Variants in PLEKHB2 observed in about 807,000 individuals in gnomAD.
PLEKHB2 encodes the protein pleckstrin homology domain containing B2, also known as pleckstrin homology domain-containing family B member 2.
Under a neutral mutation model 36.5 loss-of-function variants are expected in PLEKHB2, and 31 were observed. The ratio of observed to expected loss-of-function variants is 0.85; its 90% confidence interval spans 0.64 to 1.15. The LOEUF is 1.15. Ranked by LOEUF, PLEKHB2 falls within the 50% of genes most tolerant of loss-of-function variation. The pLI, the probability that PLEKHB2 is intolerant of heterozygous loss-of-function variation, is 0.00. For missense variants in PLEKHB2, 262 were observed against 295.3 expected (o/e 0.89, Z 0.83); for synonymous variants, 119 against 112.0 (o/e 1.06, Z -0.39).
chr2:131,142,354 T>C (rs1698875420), intron 7 of PLEKHB2, among the ~76,000 whole-genome samples: 1 of 152,216 alleles, frequency 6.6e-6, no homozygotes, highest in Non-Finnish European at 1.5e-5. Flanking sequence ...TCTAGTCTTG[T>C]TTTTAAATTA....
chr2:131,128,808 AG>A (rs1349657092), intron 4 of PLEKHB2, among the ~76,000 whole-genome samples: 2 of 152,336 alleles, frequency 1.3e-5, no homozygotes, highest in African/African-American at 4.8e-5. Flanking sequence ...ACAACCCAAA[AG>A]AGAGAATTAC....
chr2:131,121,567 T>C lies in PLEKHB2; in HGVS notation c.37+589T>C, dbSNP rs28671721. 2.1e-3 allele frequency among the ~76,000 whole-genome samples: 317 copies of C among 152,224 alleles called. 1 individual carries two copies. The highest frequency in any genetic ancestry group is 7.1e-3 in the African/African-American group (295 of 41,538). On this transcript the variant is annotated intron_variant, in intron 2 of 7. Transcript: ENST00000693505. ...CAGCTGCGTGCTTTATTATTAATGA[T>C]GGATCTGGGACTGCCTGGATCTAAC... is the stretch of plus-strand genomic sequence containing the variant.
At chr2:131,107,671 T>A (rs1290528694) in intron 1 of PLEKHB2, 1 of 152,250 alleles carries the variant, frequency 6.6e-6, no homozygotes, top group Admixed American at 6.5e-5. Context: ...TTTTATTTTT[T>A]ATTTTTTTGA....
intron 7 of PLEKHB2, among the ~76,000 whole-genome samples, chr2:131,141,639 C>CA (rs771541896): frequency 0.045 from 2,532 of 56,018 alleles, 61 homozygotes; most frequent in African/African-American, 0.078. Context: ...GACTCCGTCT[C>CA]AAAAAAAAAA....
At chr2:131,142,105 C>G (rs181776839) in intron 7 of PLEKHB2, among the ~76,000 whole-genome samples, 1 of 152,144 alleles carries the variant, frequency 6.6e-6, no homozygotes, top group Admixed American at 6.5e-5. Flanking sequence ...AGTTTAGATA[C>G]GCCGATTCAC....
At chr2:131,109,528 A>G (rs1278380247) in intron 1 of PLEKHB2, among the ~76,000 whole-genome samples, 1 of 151,954 alleles carries the variant, frequency 6.6e-6, no homozygotes, top group East Asian at 1.9e-4. Context: ...CGTCTGTACT[A>G]AAAGTACAAA....
chr2:131,115,566 G>T (rs996651908), intron 1 of PLEKHB2, among the ~76,000 whole-genome samples: 8 of 151,838 alleles, frequency 5.3e-5, no homozygotes, highest in Admixed American at 3.3e-4. Context: ...TATTGGCCAG[G>T]ATGGTCTCGA....
At chr2:131,136,760 G>A (rs1234194037) in intron 6 of PLEKHB2, among the ~76,000 whole-genome samples, 1 of 151,684 alleles carries the variant, frequency 6.6e-6, no homozygotes, top group Non-Finnish European at 1.5e-5. Flanking sequence ...AGGCAATACT[G>A]ACCTTATAGA....
At chr2:131,106,198 A>G (rs1271303659) in intron 1 of PLEKHB2, among the ~76,000 whole-genome samples, 1 of 152,134 alleles carries the variant, frequency 6.6e-6, no homozygotes, top group Non-Finnish European at 1.5e-5. Flanking sequence ...GGGTGGAGGA[A>G]AGGAATGAGG....
chr2:131,131,887 G>T (rs1334798227), intron 5 of PLEKHB2, among the ~76,000 whole-genome samples: 1 of 151,372 alleles, frequency 6.6e-6, no homozygotes, highest in Non-Finnish European at 1.5e-5. Context: ...AGGCCAGAGT[G>T]CAGTGGAGCG....
At chr2:131,124,339 G>A (rs1696876860) in intron 2 of PLEKHB2, among the ~76,000 whole-genome samples, 1 of 152,124 alleles carries the variant, frequency 6.6e-6, no homozygotes, top group Admixed American at 6.5e-5. Flanking sequence ...ACACGAAATG[G>A]GATTGTGTGT....
chr2:131,140,121 C>A (rs759639596), intron 6 of PLEKHB2, 46 bp from the exon 7 acceptor site: 19 of 1,144,800 alleles, frequency 1.7e-5, no homozygotes. Flanking sequence ...TAATACATTA[C>A]CAGAGGTTTC....
intron 1 of PLEKHB2, among the ~76,000 whole-genome samples, chr2:131,108,362 G>A (rs1223208046): frequency 6.6e-6 from 1 of 152,172 alleles, no homozygotes; most frequent in Non-Finnish European, 1.5e-5. Flanking sequence ...AACAGCTAGG[G>A]CTTAGTGTTT....
Position 131,117,960 on chromosome 2 carries a change from G to T in PLEKHB2, c.-8-2974G>T, listed in dbSNP as rs151189334. 2.0e-5 allele frequency among the ~76,000 whole-genome samples: 3 copies of T among 152,330 alleles called. No homozygotes were observed. In the East Asian group the frequency reaches 5.8e-4, roughly 29 times the overall value. On this transcript the variant is annotated intron_variant, in intron 1 of 7. Transcript: ENST00000693505. ...TTCTCTGCTTCAAATCCTTTTGGAA[G>T]TAAAATGATTGTTTTAGGATATTTT...
intron 1 of PLEKHB2, 51 bp from the exon 2 acceptor site, chr2:131,120,883 G>C: frequency 6.4e-7 from 1 of 1,570,856 alleles, no homozygotes; most frequent in Non-Finnish European, 8.8e-7. Flanking sequence ...GGCCGGACAG[G>C]CTATTCTCTT....
intron 7 of PLEKHB2, among the ~76,000 whole-genome samples, chr2:131,140,559 A>C (rs1050616158): frequency 6.6e-6 from 1 of 152,196 alleles, no homozygotes; most frequent in Non-Finnish European, 1.5e-5. Flanking sequence ...GAAGCAACCA[A>C]AGTAAGAGGC....
intron 6 of PLEKHB2, among the ~76,000 whole-genome samples, chr2:131,133,877 A>C (rs1221314079): frequency 6.6e-6 from 1 of 151,332 alleles, no homozygotes; most frequent in Admixed American, 6.6e-5. Context: ...GCTCTTTGTC[A>C]ATAATCCTTT....
chr2:131,120,865 G>C lies in PLEKHB2; in HGVS notation c.-8-69G>C, dbSNP rs770744115. Reference sequence around the variant, plus strand: ...GCTGATGCTGAAGGGGATAAGGATAGAGACTCGGGCCGGACAGGCTATTCT... The same window carrying C: ...GCTGATGCTGAAGGGGATAAGGATACAGACTCGGGCCGGACAGGCTATTCT... On this transcript the variant is annotated intron_variant, in intron 1 of 7. Coordinates refer to ENST00000693505, the MANE Select transcript of PLEKHB2 (RefSeq NM_001100623.2). 3.4e-6 allele frequency: 5 copies of C among 1,487,586 alleles called. No homozygotes were observed. In the African/African-American group the frequency reaches 5.5e-5, roughly 16 times the overall value. The allele number at this position is 1,487,586 out of a possible 1,614,324, so 92.1% of individuals were successfully genotyped here.
intron 1 of PLEKHB2, among the ~76,000 whole-genome samples, chr2:131,105,805 G>A (rs1174506934): frequency 6.6e-6 from 1 of 152,098 alleles, no homozygotes. Flanking sequence ...TGGCCGCTCG[G>A]GAGTGTCCCA....
Sources: gnomAD v4.1 joint callset for allele counts (sites outside exome capture counted in the v4.1 genomes callset) on GRCh38, gnomAD v4.1.1 for gene constraint, MANE v1.5 for transcripts, NCBI Gene and HGNC (gene_info 2026-07-23, HGNC 2026-07-21) for gene names.